Variants in ROBO1 observed in about 807,000 individuals in gnomAD.
ROBO1 encodes the protein roundabout homolog 1.
A neutral mutation model predicts 195.9 loss-of-function variants in ROBO1; 149 were observed. The ratio of observed to expected loss-of-function variants is 0.76; its 90% CI spans 0.67 to 0.87. ROBO1 has a LOEUF of 0.87. ROBO1 is among the 40% of genes least tolerant of loss of function. ROBO1 has a pLI of 0.00. For synonymous variants in ROBO1, 816 were observed against 733.2 expected, an observed-to-expected ratio of 1.11 and a Z score of -1.82; for missense variants, 1,933 against 2,068.3, an observed-to-expected ratio of 0.93 and a Z score of 1.27.
chr3:78,860,326 A>ATATAT (rs376853384), intron 4 of ROBO1, among the ~76,000 whole-genome samples: 1,389 of 93,466 alleles, frequency 0.015, 35 homozygotes, highest in African/African-American at 0.039. Flanking sequence ...ATATATATAT[A>ATATAT]TTTTTTTTTT....
chr3:79,572,973 CATT>C (rs1425135951), intron 2 of ROBO1, among the ~76,000 whole-genome samples: 7 of 152,200 alleles, frequency 4.6e-5, no homozygotes, highest in African/African-American at 1.4e-4. Context: ...GTGTGGGAAA[CATT>C]ATAATAAGTT....
chr3:78,696,081 G>A (rs1482493198), intron 8 of ROBO1, among the ~76,000 whole-genome samples: 2 of 148,640 alleles, frequency 1.3e-5, no homozygotes, highest in Non-Finnish European at 3.0e-5. Context: ...TATGAAACAG[G>A]CAGATTTTAA....
intron 1 of ROBO1, among the ~76,000 whole-genome samples, chr3:79,753,485 T>G (rs564204030): frequency 6.6e-6 from 1 of 152,188 alleles, no homozygotes; most frequent in Non-Finnish European, 1.5e-5. Flanking sequence ...GATGATATTG[T>G]CCACTCAGTG....
chr3:79,579,169 C>G (rs1943583005), intron 2 of ROBO1, among the ~76,000 whole-genome samples: 1 of 152,114 alleles, frequency 6.6e-6, no homozygotes, highest in Non-Finnish European at 1.5e-5. Context: ...TTCATATTGT[C>G]ATTTCAGTTA....
intron 3 of ROBO1, among the ~76,000 whole-genome samples, chr3:79,007,513 C>T (rs1028620887): frequency 2.0e-5 from 3 of 152,134 alleles, no homozygotes; most frequent in African/African-American, 4.8e-5. Flanking sequence ...CTGTATACTG[C>T]TATCCATAAC....
intron 1 of ROBO1, among the ~76,000 whole-genome samples, chr3:79,733,958 T>TC (rs2107372632): frequency 6.6e-6 from 1 of 151,790 alleles, no homozygotes; most frequent in East Asian, 1.9e-4. Flanking sequence ...CCATCTTTTT[T>TC]TTTTTTTTTT....
intron 1 of ROBO1, among the ~76,000 whole-genome samples, chr3:79,656,261 C>G (rs1456436381): frequency 2.7e-5 from 4 of 150,406 alleles, no homozygotes; most frequent in African/African-American, 9.8e-5. Context: ...TAAATTTAAA[C>G]ACATGTAAAG....
chr3:78,874,031 G>T (rs1432520845), intron 4 of ROBO1, among the ~76,000 whole-genome samples: 1 of 151,470 alleles, frequency 6.6e-6, no homozygotes, highest in Admixed American at 6.6e-5. Context: ...TTTTTTTAAT[G>T]ATATGTGACT....
intron 1 of ROBO1, among the ~76,000 whole-genome samples, chr3:79,630,894 A>G (rs1945320764): frequency 6.6e-6 from 1 of 151,718 alleles, no homozygotes; most frequent in Non-Finnish European, 1.5e-5. Flanking sequence ...GCACATACAA[A>G]AAACCTAGGA....
At chr3:79,298,572 A>C (rs985477632) in intron 2 of ROBO1, among the ~76,000 whole-genome samples, 7 of 152,024 alleles carry the variant, frequency 4.6e-5, no homozygotes, top group African/African-American at 1.4e-4. Context: ...TCTTTTTCTT[A>C]TTTTGGGGAT....
intron 2 of ROBO1, among the ~76,000 whole-genome samples, chr3:79,387,221 G>A (rs755061604): frequency 6.6e-6 from 1 of 152,080 alleles, no homozygotes; most frequent in Non-Finnish European, 1.5e-5. Flanking sequence ...AGTACAGGTT[G>A]ATGATAATAC....
In ROBO1 at chr3:79,564,002, G is replaced by A. The variant is rs563764963; in HGVS notation, c.88+25822C>T. ...TACTAAATTTTCAAATCAAAGTTAC[G>A]TAGTGGCCTTTTTTATGTGTAAATG... On this transcript the variant is annotated intron_variant, in intron 2 of 30. Coordinates refer to ENST00000464233, the MANE Select transcript of ROBO1 (RefSeq NM_002941.4). Among the ~76,000 whole-genome samples, 13 of 150,840 alleles carry A rather than the reference G, an allele frequency of 8.6e-5. No individual in the cohort carries two copies. The South Asian group carries it at 1.9e-3, about 22-fold the overall frequency.
intron 3 of ROBO1, among the ~76,000 whole-genome samples, chr3:78,941,601 C>A (rs1179078127): frequency 6.6e-6 from 1 of 152,064 alleles, no homozygotes; most frequent in Non-Finnish European, 1.5e-5. Flanking sequence ...ATTGCCTGAG[C>A]AAGTCAGAGA....
chr3:79,019,198 C>T, intron 3 of ROBO1: 1 of 986,672 alleles, frequency 1.0e-6, no homozygotes, highest in Non-Finnish European at 1.2e-6. Flanking sequence ...CCCAACATCG[C>T]CCTCGGCCCC....
chr3:79,182,801 C>T (rs1406108671), intron 2 of ROBO1, among the ~76,000 whole-genome samples: 2 of 151,966 alleles, frequency 1.3e-5, no homozygotes, highest in African/African-American at 2.4e-5. Flanking sequence ...ATACATAGGC[C>T]GGGTGTAGTG....
intron 2 of ROBO1, among the ~76,000 whole-genome samples, chr3:79,289,121 C>A (rs2032081162): frequency 6.6e-6 from 1 of 151,202 alleles, no homozygotes; most frequent in Non-Finnish European, 1.5e-5. Flanking sequence ...TAAAAAAATC[C>A]CTAGAATGTT....
At chr3:78,980,411 ACTTT>A (rs1157965693) in intron 3 of ROBO1, among the ~76,000 whole-genome samples, 1 of 152,198 alleles carries the variant, frequency 6.6e-6, no homozygotes, top group Admixed American at 6.5e-5. Flanking sequence ...GGAATCAACT[ACTTT>A]CATGAACCTA....
chr3:79,002,583 T>A (rs1431462920), intron 3 of ROBO1, among the ~76,000 whole-genome samples: 1 of 152,088 alleles, frequency 6.6e-6, no homozygotes, highest in South Asian at 2.1e-4. Context: ...AATGTGATAA[T>A]TATTTATTAA....
At chr3:78,644,296 G>A (rs776663124) in intron 21 of ROBO1, among the ~76,000 whole-genome samples, 16 of 151,966 alleles carry the variant, frequency 1.1e-4, no homozygotes, top group Non-Finnish European at 1.8e-4. Flanking sequence ...TATTCATCTC[G>A]CATTTCCGCC....
Sources: gnomAD v4.1 joint callset for allele counts (sites outside exome capture counted in the v4.1 genomes callset) on GRCh38, gnomAD v4.1.1 for gene constraint, MANE v1.5 for transcripts, NCBI Gene and HGNC (gene_info 2026-07-23, HGNC 2026-07-21) for gene names.